XKR6: variants seen among roughly 807,000 people sequenced by gnomAD.
XKR6 encodes the protein XK-related protein 6.
In XKR6, 22 loss-of-function variants were observed where a neutral mutation model predicts 56.7. The observed-to-expected ratio is 0.39, with a 90% CI of 0.28 to 0.55. The LOEUF is 0.55. Among genes scored for constraint, XKR6 ranks in the 20% least tolerant of loss-of-function variants. The pLI is 0.66. For missense variants in XKR6, 852 were observed against 889.0 expected, an observed-to-expected ratio of 0.96 and a Z score of 0.53; for synonymous variants, 524 against 387.8, an observed-to-expected ratio of 1.35 and a Z score of -4.13.
chr8:11,092,205 T>C (rs987411951), intron 1 of XKR6, among the ~76,000 whole-genome samples: 13 of 152,208 alleles, frequency 8.5e-5, no homozygotes, highest in Admixed American at 3.9e-4. Flanking sequence ...TGTGAACTCA[T>C]TGCTTTTAAA....
intron 1 of XKR6, among the ~76,000 whole-genome samples, chr8:10,974,161 G>A (rs1311415768): frequency 1.3e-5 from 2 of 152,226 alleles, no homozygotes; most frequent in Non-Finnish European, 2.9e-5. Context: ...AGTACCCCAG[G>A]AGGTACTTGG....
intron 1 of XKR6, among the ~76,000 whole-genome samples, chr8:11,062,045 C>T (rs1210193698): frequency 6.6e-6 from 1 of 152,174 alleles, no homozygotes; most frequent in Non-Finnish European, 1.5e-5. Context: ...CATCTGAAAG[C>T]ACTGCATTCC....
At chr8:11,096,745 C>T (rs1798274034) in intron 1 of XKR6, among the ~76,000 whole-genome samples, 4 of 152,258 alleles carry the variant, frequency 2.6e-5, no homozygotes, top group Admixed American at 2.6e-4. Context: ...TCCTTGGGCT[C>T]CAGCCGACAA....
intron 1 of XKR6, among the ~76,000 whole-genome samples, chr8:11,111,293 G>A (rs191467294): frequency 1.3e-5 from 2 of 152,190 alleles, no homozygotes; most frequent in Admixed American, 6.5e-5. Flanking sequence ...GAAGGAGGTG[G>A]CGGCTGGAGG....
At chr8:10,911,049 G>T (rs906698420) in intron 2 of XKR6, among the ~76,000 whole-genome samples, 79 of 152,286 alleles carry the variant, frequency 5.2e-4, no homozygotes, top group African/African-American at 1.7e-3. Context: ...GCTCTGGAAA[G>T]GACACAGGTT....
chr8:10,925,536 C>T (rs117434381), intron 1 of XKR6, among the ~76,000 whole-genome samples: 5 of 152,320 alleles, frequency 3.3e-5, no homozygotes, highest in South Asian at 2.1e-4. Context: ...GGAGCAGATC[C>T]GCTGCCCGCC....
chr8:11,115,188 G>A (rs1171372021), intron 1 of XKR6, among the ~76,000 whole-genome samples: 1 of 152,192 alleles, frequency 6.6e-6, no homozygotes, highest in African/African-American at 2.4e-5. Flanking sequence ...TGCTGTCAAT[G>A]ACCTCAACTC....
At chr8:11,090,088 C>T (rs370085946) in intron 1 of XKR6, among the ~76,000 whole-genome samples, 1 of 152,104 alleles carries the variant, frequency 6.6e-6, no homozygotes, top group Admixed American at 6.6e-5. Flanking sequence ...TATCCAGTCT[C>T]CTTTTTATTT....
chr8:11,049,318 C>T (rs1400561866), intron 1 of XKR6, among the ~76,000 whole-genome samples: 2 of 152,202 alleles, frequency 1.3e-5, no homozygotes. Flanking sequence ...TCTGTTCCCC[C>T]TTTTCTCAGG....
intron 1 of XKR6, among the ~76,000 whole-genome samples, chr8:11,094,942 A>G (rs1798219261): frequency 6.6e-6 from 1 of 152,168 alleles, no homozygotes; most frequent in South Asian, 2.1e-4. Context: ...TGAGCTTAAT[A>G]CCTGGGTGAT....
chr8:10,912,147 TAG>T (rs546969973), intron 2 of XKR6, among the ~76,000 whole-genome samples: 6 of 147,382 alleles, frequency 4.1e-5, no homozygotes, highest in South Asian at 4.3e-4. Context: ...GGTGTATATA[TAG>T]AGAGAGTATA....
chr8:11,052,161 G>T (rs1416076038), intron 1 of XKR6, among the ~76,000 whole-genome samples: 2 of 152,034 alleles, frequency 1.3e-5, no homozygotes. Flanking sequence ...CTCCAAGCAG[G>T]TTCCCACCCC....
intron 1 of XKR6, among the ~76,000 whole-genome samples, chr8:10,927,599 C>G (rs1402200480): frequency 2.6e-5 from 4 of 152,174 alleles, no homozygotes; most frequent in African/African-American, 9.7e-5. Flanking sequence ...TTTGCCCTAC[C>G]AGGCAAAGGG....
At chr8:10,973,645 T>C (rs966195558) in intron 1 of XKR6, among the ~76,000 whole-genome samples, 3 of 152,134 alleles carry the variant, frequency 2.0e-5, no homozygotes, top group Non-Finnish European at 4.4e-5. Context: ...AGTGGAACCG[T>C]CTCAGCTCAC....
chr8:11,166,355 C>T (rs1802072244), intron 1 of XKR6, among the ~76,000 whole-genome samples: 1 of 152,020 alleles, frequency 6.6e-6, no homozygotes, highest in African/African-American at 2.4e-5. Flanking sequence ...GATCACAAGG[C>T]ATCTGCTATG....
chr8:10,920,492 G>A (rs1002552724), intron 2 of XKR6, among the ~76,000 whole-genome samples: 1 of 152,224 alleles, frequency 6.6e-6, no homozygotes, highest in African/African-American at 2.4e-5. Flanking sequence ...CGACCCTCCA[G>A]GCACCCATGT....
rs757566491 is a variant in XKR6, at chr8:10,897,983, T to C, written c.1895A>G (p.Tyr632Cys). ...TGAAGACTCATACTGTAGCAACTCA[T>C]AGAGGAGTGGTCCGTCTCGATATCG... ...GIRYRDGPLL[Y>C]ELLQYESSL The change falls in exon 3 of 3, where the codon TAT (tyrosine) becomes TGT (cysteine). Residue 632 changes from tyrosine to cysteine, a missense_variant. Transcript: ENST00000416569. 22 of 1,603,134 alleles carry C rather than the reference T, an allele frequency of 1.4e-5. No individual in the cohort carries two copies. The Admixed American group carries it at 1.9e-4, about 14-fold the overall frequency.
chr8:11,160,911 C>CAAAAAAAAAAAAAAAAAAAA (rs33931830), intron 1 of XKR6, among the ~76,000 whole-genome samples: 3 of 63,786 alleles, frequency 4.7e-5, no homozygotes, highest in African/African-American at 1.3e-4. Flanking sequence ...GACTCCGTCT[C>CAAAAAAAAAAAAAAAAAAAA]AAAAAAAAAA....
In XKR6 at chr8:11,086,150, T is replaced by TATATATA. The variant is rs1439777662; in HGVS notation, c.764+114425_764+114426insTATATAT. 8.5e-3 allele frequency among the ~76,000 whole-genome samples: 958 copies of TATATATA among 112,728 alleles called. 10 individuals carry two copies. Among genetic ancestry groups the TATATATA allele is most frequent in the African/African-American group, 0.033 (760 of 22,990 alleles). 74.0% of individuals were successfully genotyped at this position (112,728 alleles called of 152,430 possible). ...AAAAAGAAAATATATATATATATAT[T>TATATATA]TTTTTTTAAAAAAAACAAGCATAAT... is the stretch of plus-strand genomic sequence containing the variant. On this transcript the variant is annotated intron_variant, in intron 1 of 2. Transcript: ENST00000416569.
Sources: allele counts gnomAD v4.1 joint callset (sites outside exome capture counted in the v4.1 genomes callset), GRCh38; gene constraint gnomAD v4.1.1; transcripts MANE v1.5; gene names NCBI Gene and HGNC (gene_info 2026-07-23, HGNC 2026-07-21).